ARMC9: variants seen among roughly 807,000 people sequenced by gnomAD.
ARMC9 encodes the protein armadillo repeat containing 9.
Under a neutral mutation model 107.0 loss-of-function variants are expected in ARMC9, and 94 were observed. That is an observed-to-expected ratio of 0.88 (90% CI 0.74 to 1.04). The LOEUF (loss-of-function observed/expected upper bound fraction) is 1.04, where lower values mean the gene tolerates loss of function less well. Ranked by LOEUF, ARMC9 falls within the 50% of genes least tolerant of loss-of-function variation. The pLI is 0.00. For synonymous variants in ARMC9, 380 were observed against 396.9 expected (o/e 0.96, Z 0.51); for missense variants, 942 against 1,030.1 (o/e 0.91, Z 1.17).
At chr2:231,345,386 T>C (rs2044760534) in intron 21 of ARMC9, among the ~76,000 whole-genome samples, 2 of 152,172 alleles carry the variant, frequency 1.3e-5, no homozygotes, top group South Asian at 4.1e-4. Flanking sequence ...TCGGGCTCTC[T>C]CCAGAAGGAC....
chr2:231,365,275 T>G (rs1373979756), intron 23 of ARMC9, among the ~76,000 whole-genome samples: 1 of 152,144 alleles, frequency 6.6e-6, no homozygotes, highest in Non-Finnish European at 1.5e-5. Flanking sequence ...ACGGGAAAGT[T>G]GGGAGGTGCT....
At chr2:231,345,312 C>T in intron 21 of ARMC9, 1 of 745,886 alleles carries the variant, frequency 1.3e-6, no homozygotes, top group Non-Finnish European at 1.9e-6. Context: ...TACAGGATCT[C>T]CAGGGCCACT....
intron 17 of ARMC9, among the ~76,000 whole-genome samples, chr2:231,284,051 A>G (rs1447683454): frequency 8.0e-5 from 12 of 150,648 alleles, no homozygotes; most frequent in Non-Finnish European, 1.8e-4. Context: ...GTCATGTCCC[A>G]TGTAACAACA....
At chr2:231,281,905 C>A (rs564795468) in intron 16 of ARMC9, among the ~76,000 whole-genome samples, 154 bp from the exon 17 acceptor site, 2 of 152,308 alleles carry the variant, frequency 1.3e-5, no homozygotes, top group African/African-American at 4.8e-5. Context: ...ATGTCTGTCA[C>A]TTGGAAACAT....
intron 23 of ARMC9, among the ~76,000 whole-genome samples, chr2:231,364,209 T>C (rs1575191148): frequency 6.6e-6 from 1 of 152,306 alleles, no homozygotes; most frequent in East Asian, 1.9e-4. Context: ...GCCCTGCCAC[T>C]CCAGAAGAGC....
intron 20 of ARMC9, among the ~76,000 whole-genome samples, chr2:231,338,594 C>T (rs764881441): frequency 2.2e-5 from 3 of 138,864 alleles, no homozygotes; most frequent in East Asian, 2.1e-4. Context: ...GGCTGGAATG[C>T]GGTAGAGCAA....
chr2:231,361,056 C>G (rs2045556192), intron 23 of ARMC9, among the ~76,000 whole-genome samples, 173 bp downstream of exon 23: 1 of 152,254 alleles, frequency 6.6e-6, no homozygotes, highest in Non-Finnish European at 1.5e-5. Context: ...GCCGCCACTC[C>G]TGACCACCTC....
At chr2:231,320,319 A>G (rs920293211) in intron 19 of ARMC9, among the ~76,000 whole-genome samples, 16 of 152,260 alleles carry the variant, frequency 1.1e-4, no homozygotes, top group African/African-American at 3.6e-4. Context: ...AATCCTGCCA[A>G]ATTGCTCCCC....
At chr2:231,243,336 C>G (rs1386958574) in intron 9 of ARMC9, among the ~76,000 whole-genome samples, 3 of 152,022 alleles carry the variant, frequency 2.0e-5, no homozygotes, top group African/African-American at 7.3e-5. Context: ...TCACTTGAGC[C>G]CAGGAGGTTG....
At chr2:231,329,823 T>C (rs797006994) in intron 19 of ARMC9, among the ~76,000 whole-genome samples, 2 of 152,300 alleles carry the variant, frequency 1.3e-5, no homozygotes, top group African/African-American at 2.4e-5. Context: ...TAGGAGGGTT[T>C]TTTGTGTGTG....
chr2:231,292,626 G>A (rs573116020), intron 18 of ARMC9, among the ~76,000 whole-genome samples: 77 of 152,204 alleles, frequency 5.1e-4, no homozygotes, highest in African/African-American at 1.5e-3. Flanking sequence ...TGTTTCTGTG[G>A]ACTCCTGACA....
At chr2:231,234,004 A>G (rs1189116486) in intron 7 of ARMC9, among the ~76,000 whole-genome samples, 1 of 152,194 alleles carries the variant, frequency 6.6e-6, no homozygotes, top group African/African-American at 2.4e-5. Context: ...ACAGAGTTAA[A>G]TATTTTATCT....
intron 19 of ARMC9, among the ~76,000 whole-genome samples, chr2:231,313,476 G>A (rs1232790306): frequency 6.6e-6 from 1 of 152,066 alleles, no homozygotes; most frequent in Non-Finnish European, 1.5e-5. Flanking sequence ...CAGTTTTATT[G>A]AGGATATAAT....
In ARMC9 at chr2:231,278,721, C is replaced by G. The variant is rs1255087441; in HGVS notation, c.1551+263C>G. Among the ~76,000 whole-genome samples, 6 of 143,164 alleles carry G rather than the reference C, an allele frequency of 4.2e-5. No individual in the cohort carries two copies. The East Asian group carries it at 1.0e-3, about 24-fold the overall frequency. The allele number at this position is 143,164 out of a possible 152,430, so 93.9% of individuals were successfully genotyped here. Reference sequence around the variant, plus strand: ...CCGGGCCCCTCCGGCATTGCTGTTTCTCATCATCTAGCCCCCAACATTCCT... The same window carrying G: ...CCGGGCCCCTCCGGCATTGCTGTTTGTCATCATCTAGCCCCCAACATTCCT... On this transcript the variant is annotated intron_variant, in intron 16 of 24. Transcript: ENST00000611582.
At chr2:231,231,367 A>T (rs145317177) in intron 7 of ARMC9, among the ~76,000 whole-genome samples, 1 of 151,700 alleles carries the variant, frequency 6.6e-6, no homozygotes, top group Non-Finnish European at 1.5e-5. Flanking sequence ...TGAACTCTCT[A>T]TATATATATG....
chr2:231,369,087 A>G (rs1226050304), intron 23 of ARMC9, among the ~76,000 whole-genome samples: 1 of 152,140 alleles, frequency 6.6e-6, no homozygotes, highest in Non-Finnish European at 1.5e-5. Flanking sequence ...TCCTCACTGA[A>G]TTCTCACAGC....
Position 231,276,736 on chromosome 2 carries a change from T to C in ARMC9, c.1435T>C (p.Ser479Pro). 5 of 1,614,188 alleles carry C rather than the reference T, an allele frequency of 3.1e-6. No individual in the cohort carries two copies. The highest frequency in any genetic ancestry group is 4.2e-6 in the Non-Finnish European group (5 of 1,180,040). The change falls in exon 15 of 25, where the codon TCG (serine) becomes CCG (proline). Residue 479 changes from serine (S) to proline (P), a missense_variant. Physicochemically the swap from Ser to Pro is moderately conservative, Grantham distance 74. Transcript: ENST00000611582. ...CCTGTCTGACTACACGCTGGAGTACTCGGTGGCTTTGCTCATGAACCTCTG... is the reference window on the plus strand; with the variant it reads ...CCTGTCTGACTACACGCTGGAGTACCCGGTGGCTTTGCTCATGAACCTCTG... ...DCLSDYTLEY[S>P]VALLMNLCLR...
chr2:231,308,330 G>A (rs2042147772), intron 19 of ARMC9, among the ~76,000 whole-genome samples: 1 of 152,206 alleles, frequency 6.6e-6, no homozygotes, highest in South Asian at 2.1e-4. Flanking sequence ...AAAGTTCAGA[G>A]AGGTTCAGAA....
intron 19 of ARMC9, among the ~76,000 whole-genome samples, chr2:231,317,455 G>A (rs1245528915): frequency 6.6e-6 from 1 of 151,938 alleles, no homozygotes; most frequent in African/African-American, 2.4e-5. Context: ...ACAGGTGTGA[G>A]CCACTGCACC....
Sources: gnomAD v4.1 joint callset for allele counts (sites outside exome capture counted in the v4.1 genomes callset) on GRCh38, gnomAD v4.1.1 for gene constraint, MANE v1.5 for transcripts, NCBI Gene and HGNC (gene_info 2026-07-23, HGNC 2026-07-21) for gene names.